Variants in MYO5A observed in about 807,000 individuals in gnomAD.
MYO5A encodes the protein unconventional myosin-Va.
Under a neutral mutation model 249.7 loss-of-function variants are expected in MYO5A, and 98 were observed. The ratio of observed to expected loss-of-function variants is 0.39; its 90% CI spans 0.33 to 0.46. The LOEUF (loss-of-function observed/expected upper bound fraction) is 0.46, where lower values mean the gene tolerates loss of function less well. Among genes scored for constraint, MYO5A ranks in the 20% least tolerant of loss-of-function variants. The probability of loss-of-function intolerance (pLI) is 0.98; values close to 1 mark genes in which losing one functional copy is unlikely to be tolerated. For missense variants in MYO5A, 1,696 were observed against 2,308.8 expected, an observed-to-expected ratio of 0.73 and a Z score of 5.44; for synonymous variants, 778 against 810.6, an observed-to-expected ratio of 0.96 and a Z score of 0.68.
intron 35 of MYO5A, among the ~76,000 whole-genome samples, chr15:52,328,680 G>A (rs576276668): frequency 6.6e-6 from 1 of 152,304 alleles, no homozygotes; most frequent in Admixed American, 6.5e-5. Flanking sequence ...GTCAGATCAT[G>A]TCACTCTCGT....
At chr15:52,403,304 T>C (rs2042842547) in intron 9 of MYO5A, among the ~76,000 whole-genome samples, 1 of 152,012 alleles carries the variant, frequency 6.6e-6, no homozygotes, top group Admixed American at 6.5e-5. Context: ...AGCCAAAAGG[T>C]GAAACAACTC....
At chr15:52,331,742 C>T (rs1014717112) in intron 34 of MYO5A, 1 of 985,326 alleles carries the variant, frequency 1.0e-6, no homozygotes, top group African/African-American at 1.7e-5. Context: ...TGGTGACACA[C>T]CGTCCACCTC....
chr15:52,397,078 G>T, intron 10 of MYO5A, 123 bp downstream of exon 10: 1 of 1,207,866 alleles, frequency 8.3e-7, no homozygotes, highest in Non-Finnish European at 1.2e-6. Flanking sequence ...TTCTTGAATT[G>T]TCATAGGCAA....
Position 52,319,150 on chromosome 15 carries a change from T to G in MYO5A, c.5144A>C (p.Lys1715Thr). The part of the protein sequence containing the change: ...MDPELIKQVV[K>T]QMFYIIGAIT... ...GGCCCCTATGATGTAGAACATCTGC[T>G]TGACCACCTGCTTGATCAGTTCAGG... The change falls in exon 39 of 42, where the codon AAG (lysine) becomes ACG (threonine). Residue 1715 changes from lysine (K) to threonine (T), a missense_variant. Physicochemically the swap from Lys to Thr is moderately conservative, Grantham distance 78. Coordinates refer to ENST00000399233, the MANE Select transcript of MYO5A (RefSeq NM_001382347.1). The G allele has an allele frequency of 3.1e-6, 5 of 1,614,230 alleles. No individual in the cohort carries two copies. The highest frequency in any genetic ancestry group is 4.2e-6 in the Non-Finnish European group (5 of 1,180,040).
chr15:52,498,896 T>C (rs1345150545), intron 1 of MYO5A, among the ~76,000 whole-genome samples: 2 of 152,218 alleles, frequency 1.3e-5, no homozygotes, highest in African/African-American at 4.8e-5. Flanking sequence ...CCTAATGGAA[T>C]AGCAGTGGTA....
At chr15:52,327,200 T>C (rs2038650085) in intron 36 of MYO5A, among the ~76,000 whole-genome samples, 1 of 152,240 alleles carries the variant, frequency 6.6e-6, no homozygotes. Context: ...AATTTCAGCA[T>C]CACGTTCCCT....
rs2043475692 is a variant in MYO5A, at chr15:52,416,224, C to T, written c.533G>A (p.Arg178Gln). 2 of 1,613,870 alleles carry T rather than the reference C, an allele frequency of 1.2e-6. No homozygotes were observed. The highest frequency in any genetic ancestry group is 2.2e-5 in the East Asian group (1 of 44,892). ...GKTVSAKYAM[R>Q]YFATVSGSAS... Reference sequence around the variant, plus strand: ...AGAACCACTCACAGTTGCAAAGTATCGCATGGCATACTTAGCTGAGACTGT... The same window carrying T: ...AGAACCACTCACAGTTGCAAAGTATTGCATGGCATACTTAGCTGAGACTGT... Residue 178 changes from arginine (R) to glutamine (Q), a missense_variant, in exon 5 of 42, where the codon CGA (arginine) becomes CAA (glutamine). Arg to Gln is a conservative substitution (Grantham distance 43, BLOSUM62 1). This residue lies in a region of MYO5A where 197 missense variants were observed against 320.3 expected (regional missense o/e 0.62). Transcript: ENST00000399233.
Position 52,410,473 on chromosome 15 carries a change from T to C in MYO5A, c.616A>G (p.Ile206Val), listed in dbSNP as rs2043199841. Residue 206 changes from isoleucine to valine, a missense_variant, in exon 6 of 42, where the codon ATT (isoleucine) becomes GTT (valine). This residue lies in a region of MYO5A where 197 missense variants were observed against 320.3 expected (regional missense o/e 0.62). Coordinates refer to ENST00000399233, the MANE Select transcript of MYO5A (RefSeq NM_001382347.1). ...VLASNPIMESIGNAKTTRNDN... is the reference protein window; with the variant it reads ...VLASNPIMESVGNAKTTRNDN... ...TTCCTGGTTGTTTTAGCATTTCCAA[T>C]GGACTAAAAAGCAAGGGAGAAAATA... is the stretch of plus-strand genomic sequence containing the variant. 2.5e-6 allele frequency: 4 copies of C among 1,612,582 alleles called. No individual in the cohort carries two copies. Among genetic ancestry groups the C allele is most frequent in the Middle Eastern group, 1.7e-4 (1 of 6,046 alleles).
chr15:52,362,453 G>A lies in MYO5A; in HGVS notation c.3309+2101C>T, dbSNP rs181339924. ...TAATTGTCATGGGTTAAAAGATCAAGTTTTTTATTCTCTGCAATTCTGGGC... is the reference window on the plus strand; with the variant it reads ...TAATTGTCATGGGTTAAAAGATCAAATTTTTTATTCTCTGCAATTCTGGGC... On this transcript the variant is annotated intron_variant, in intron 24 of 41. Coordinates refer to ENST00000399233, the MANE Select transcript of MYO5A (RefSeq NM_001382347.1). 3.9e-5 allele frequency among the ~76,000 whole-genome samples: 6 copies of A among 152,280 alleles called. No individual in the cohort carries two copies. In the East Asian group the frequency reaches 1.2e-3, roughly 29 times the overall value.
chr15:52,377,110 A>AC (rs2041455918), intron 18 of MYO5A, among the ~76,000 whole-genome samples: 1 of 152,098 alleles, frequency 6.6e-6, no homozygotes, highest in Non-Finnish European at 1.5e-5. Context: ...AACTAACAAA[A>AC]CCCCATAAAT....
rs1165267474 is a variant in MYO5A at position 52,376,451 on chromosome 15, C to A, written c.2316G>T (p.Arg772=). ...RADKLRAACI[R]IQKTIRGWLL... ...GCCACCCTCGGATGGTCTTCTGGAT[C>A]CGGATGCAGGCAGCTCTCAGTTTGT... The change falls in exon 19 of 42, where the codon CGG becomes CGT. Residue 772 remains arginine, a synonymous_variant. Transcript: ENST00000399233. 3.1e-6 allele frequency: 5 copies of A among 1,614,042 alleles called. No homozygotes were observed. In the African/African-American group the frequency reaches 6.7e-5, roughly 22 times the overall value.
At chr15:52,448,898 T>G (rs2075952328) in intron 1 of MYO5A, among the ~76,000 whole-genome samples, 1 of 151,688 alleles carries the variant, frequency 6.6e-6, no homozygotes, top group Admixed American at 6.6e-5. Context: ...TCAAACCTCT[T>G]TTCTTTATTA....
At chr15:52,377,568 G>C (rs1006344337) in intron 18 of MYO5A, among the ~76,000 whole-genome samples, 1 of 126,916 alleles carries the variant, frequency 7.9e-6, no homozygotes, top group Non-Finnish European at 1.6e-5. Context: ...ACTGTGACCT[G>C]GAATTCTTTT....
intron 1 of MYO5A, among the ~76,000 whole-genome samples, chr15:52,467,893 G>A (rs1595737942): frequency 2.0e-5 from 3 of 152,018 alleles, no homozygotes; most frequent in Admixed American, 6.6e-5. Flanking sequence ...AAAGAAAAAA[G>A]AAAAACCTAG....
rs1288447649 is a variant in MYO5A, at chr15:52,364,587, A to G, written c.3276T>C (p.Tyr1092=). 1.9e-6 allele frequency: 3 copies of G among 1,613,816 alleles called. No individual in the cohort carries two copies. The highest frequency in any genetic ancestry group is 2.2e-5 in the South Asian group (2 of 91,072). The change falls in exon 24 of 42, where the codon TAT becomes TAC. Residue 1092 remains tyrosine (Y), a synonymous_variant. Transcript: ENST00000399233. The part of the protein sequence containing the change: ...LNEFSRLEER[Y]DDLKEEMTLM... ...GGGTCATCTCTTCCTTGAGGTCATC[A>G]TATCTTTCTTCCAGGCGACTGAACT...
intron 7 of MYO5A, 66 bp downstream of exon 7, chr15:52,407,993 A>C (rs746226185): frequency 9.2e-6 from 10 of 1,081,474 alleles, no homozygotes; most frequent in South Asian, 1.3e-5. Context: ...TTAACAAGTA[A>C]ATTTAGGAAC....
At chr15:52,387,634 T>A (rs1029335098) in intron 14 of MYO5A, 195 bp downstream of exon 14, 7 of 552,430 alleles carry the variant, frequency 1.3e-5, no homozygotes, top group Admixed American at 3.2e-5. Flanking sequence ...TAAGAGTCAT[T>A]AGATGAGTTA....
intron 37 of MYO5A, among the ~76,000 whole-genome samples, chr15:52,323,112 A>G (rs1162589175): frequency 6.6e-6 from 1 of 152,200 alleles, no homozygotes; most frequent in Non-Finnish European, 1.5e-5. Flanking sequence ...ACTTCTGGTA[A>G]CTATTCACTG....
chr15:52,399,050 C>T (rs1009744127), intron 9 of MYO5A, among the ~76,000 whole-genome samples: 5 of 150,230 alleles, frequency 3.3e-5, no homozygotes, highest in African/African-American at 1.2e-4. Flanking sequence ...ACTCTGTAAA[C>T]ATATTCTACT....
Sources: gnomAD v4.1 joint callset for allele counts (sites outside exome capture counted in the v4.1 genomes callset) on GRCh38, gnomAD v4.1.1 for gene constraint, gnomAD v4.1.1 regional missense constraint, MANE v1.5 for transcripts, NCBI Gene and HGNC (gene_info 2026-07-23, HGNC 2026-07-21) for gene names.